The following TNS1 variants were observed in gnomAD, a reference collection of about 807,000 sequenced individuals.
TNS1 encodes the protein tensin 1, also known as tensin-1.
In TNS1, 62 loss-of-function variants were observed where a neutral mutation model predicts 168.6. That is an observed-to-expected ratio of 0.37 (90% CI 0.30 to 0.45). The LOEUF is 0.45. TNS1 is among the 20% of genes least tolerant of loss of function. The pLI, the probability that TNS1 is intolerant of heterozygous loss-of-function variation, is 1.00. For synonymous variants in TNS1, 934 were observed against 933.2 expected (o/e 1.00, Z -0.02); for missense variants, 2,240 against 2,339.4 (o/e 0.96, Z 0.88).
chr2:217,814,317 G>A lies in TNS1; in HGVS notation c.4730-501C>T, dbSNP rs190528391. On this transcript the variant is annotated intron_variant, in intron 25 of 32. Coordinates refer to ENST00000682258, the MANE Select transcript of TNS1 (RefSeq NM_001387777.1). ...AGGTGTGCACCACCACACCTGGCTG[G>A]CAAACTTACTCTGTAAATGGCCGGA... Among the ~76,000 whole-genome samples the A allele has an allele frequency of 1.9e-3, 288 of 152,258 alleles. 1 individual carries two copies. Among genetic ancestry groups the A allele is most frequent in the Non-Finnish European group, 2.5e-3 (169 of 68,030 alleles).
intron 3 of TNS1, among the ~76,000 whole-genome samples, chr2:217,960,942 A>C (rs1394953584): frequency 2.6e-5 from 4 of 152,134 alleles, no homozygotes; most frequent in Non-Finnish European, 5.9e-5. Context: ...CGTGGAAAAA[A>C]GGAAAACAAC....
At position 217,814,919 on chromosome 2, in the gene TNS1, C is replaced by G. The variant is rs1363539578; in HGVS notation, c.4722G>C (p.Arg1574Ser). 2 of 1,613,062 alleles carry G rather than the reference C, an allele frequency of 1.2e-6. No homozygotes were observed. The highest frequency in any genetic ancestry group is 1.7e-6 in the Non-Finnish European group (2 of 1,179,578). Reference protein sequence around the residue: ...SKYWYKPEISREQAIALLKDQ... With the variant: ...SKYWYKPEISSEQAIALLKDQ... ...ACAGAGCCCAGCACTCACCCTGCTC[C>G]CTGGAGATCTCAGGCTTGTACCAAT... The change falls in exon 25 of 33, where the codon AGG (arginine) becomes AGC (serine). Residue 1574 changes from arginine (R) to serine (S), a missense_variant. Transcript: ENST00000682258.
intron 18 of TNS1, among the ~76,000 whole-genome samples, chr2:217,871,181 GA>G (rs1479550819): frequency 2.0e-5 from 3 of 152,200 alleles, no homozygotes; most frequent in Non-Finnish European, 4.4e-5. Context: ...TCACAGTTGG[GA>G]AGTTCTACCA....
At chr2:217,851,859 C>T (rs915474859) in intron 18 of TNS1, among the ~76,000 whole-genome samples, 2 of 152,170 alleles carry the variant, frequency 1.3e-5, no homozygotes, top group African/African-American at 4.8e-5. Context: ...AAGAAGAGAC[C>T]TCAGCCTGGC....
intron 4 of TNS1, among the ~76,000 whole-genome samples, chr2:217,909,220 G>A (rs1425221378): frequency 6.6e-6 from 1 of 151,982 alleles, no homozygotes; most frequent in Non-Finnish European, 1.5e-5. Flanking sequence ...GAACAGCCCA[G>A]CTGCCTCGTC....
At chr2:217,901,203 A>G (rs1333915840) in intron 6 of TNS1, among the ~76,000 whole-genome samples, 1 of 152,160 alleles carries the variant, frequency 6.6e-6, no homozygotes, top group East Asian at 1.9e-4. Flanking sequence ...CGGGTGTGAA[A>G]GCACAGGGTC....
At chr2:217,818,858 T>A in intron 23 of TNS1, 99 bp from the exon 24 acceptor site, 1 of 962,476 alleles carries the variant, frequency 1.0e-6, no homozygotes, top group Non-Finnish European at 1.5e-6. Flanking sequence ...TGAACAACAG[T>A]AAGAATGGTC....
At chr2:217,823,585 G>A (rs530099768) in intron 22 of TNS1, among the ~76,000 whole-genome samples, 12 of 152,152 alleles carry the variant, frequency 7.9e-5, no homozygotes, top group Non-Finnish European at 1.0e-4. Context: ...TCTAGACCCC[G>A]GAAGAGGATG....
intron 18 of TNS1, chr2:217,859,679 AT>A (rs918147146): frequency 6.5e-7 from 1 of 1,536,070 alleles, no homozygotes; most frequent in African/African-American, 1.4e-5. Context: ...TTGACTGGCT[AT>A]TGGTATTCTG....
At chr2:217,836,254 G>T (rs1453286805) in intron 19 of TNS1, 43 bp from the exon 20 acceptor site, 10 of 1,560,508 alleles carry the variant, frequency 6.4e-6, no homozygotes, top group South Asian at 2.3e-5. Context: ...GCATTTTTGT[G>T]TAAGAAATGA....
intron 3 of TNS1, among the ~76,000 whole-genome samples, chr2:217,923,356 C>T (rs1955835138): frequency 6.6e-6 from 1 of 152,184 alleles, no homozygotes; most frequent in Non-Finnish European, 1.5e-5. Flanking sequence ...CAATAAAAAT[C>T]ACAGCAGCAA....
Position 217,990,940 on chromosome 2 carries a change from A to G in TNS1, c.148+2T>C. 1.5e-6 allele frequency: 1 copy of G among 658,298 alleles called. No homozygotes were observed. Among genetic ancestry groups the G allele is most frequent in the Non-Finnish European group, 2.8e-6 (1 of 356,188 alleles). The allele number at this position is 658,298 out of a possible 1,614,324, so 40.8% of individuals were successfully genotyped here. On this transcript the variant is annotated splice_donor_variant, in intron 2 of 32. Transcript: ENST00000682258. LOFTEE classifies it high-confidence loss of function. ...TCCCCCACAGCCCAGACCGCTGCTC[A>G]CCTTTGCAGGTGCAGCCTTCCTGGG... is the stretch of plus-strand genomic sequence containing the variant.
intron 19 of TNS1, among the ~76,000 whole-genome samples, chr2:217,840,314 C>T (rs1945775939): frequency 6.6e-6 from 1 of 152,210 alleles, no homozygotes; most frequent in Non-Finnish European, 1.5e-5. Context: ...CGCCTAAGGG[C>T]CTGCGTGTCC....
At chr2:217,889,899 C>T (rs936568310) in intron 12 of TNS1, among the ~76,000 whole-genome samples, 1 of 152,196 alleles carries the variant, frequency 6.6e-6, no homozygotes, top group Admixed American at 6.5e-5. Flanking sequence ...GCTGCAGCCT[C>T]CCCCAAAGAC....
intron 8 of TNS1, 92 bp downstream of exon 8, chr2:217,897,706 G>T: frequency 7.4e-7 from 1 of 1,352,986 alleles, no homozygotes; most frequent in Non-Finnish European, 1.0e-6. Flanking sequence ...GCTGGCACAG[G>T]GGCTGGTGGC....
At chr2:217,822,836 A>C (rs1447167832) in intron 22 of TNS1, among the ~76,000 whole-genome samples, 1 of 152,134 alleles carries the variant, frequency 6.6e-6, no homozygotes, top group East Asian at 1.9e-4. Context: ...GCCAGCTCCC[A>C]AACGAACTCC....
intron 10 of TNS1, 41 bp downstream of exon 10, chr2:217,893,398 G>GCACACACACACA: frequency 6.7e-7 from 1 of 1,495,330 alleles, no homozygotes; most frequent in African/African-American, 1.8e-5. Flanking sequence ...ATGTGCGCGC[G>GCACACACACACA]CGCACACACA....
chr2:217,893,111 G>T, intron 10 of TNS1, 99 bp from the exon 11 acceptor site: 1 of 1,450,662 alleles, frequency 6.9e-7, no homozygotes, highest in Non-Finnish European at 9.6e-7. Context: ...CAGGGCTGGA[G>T]AGAGGGGTGT....
At chr2:217,935,084 C>T (rs1199910323) in intron 3 of TNS1, among the ~76,000 whole-genome samples, 1 of 152,268 alleles carries the variant, frequency 6.6e-6, no homozygotes, top group Non-Finnish European at 1.5e-5. Context: ...AGACCTCTCT[C>T]TCTGCCCCAA....
Sources: gnomAD v4.1 joint callset for allele counts (sites outside exome capture counted in the v4.1 genomes callset) on GRCh38, gnomAD v4.1.1 for gene constraint, MANE v1.5 for transcripts, NCBI Gene and HGNC (gene_info 2026-07-23, HGNC 2026-07-21) for gene names.